The following SCHIP1 variants were observed in gnomAD, a reference collection of about 807,000 sequenced individuals.
SCHIP1 encodes the protein schwannomin interacting protein 1.
In SCHIP1, 8 loss-of-function variants were observed where a neutral mutation model predicts 29.7. The ratio of observed to expected loss-of-function variants is 0.27; its 90% CI spans 0.16 to 0.49. SCHIP1 has a LOEUF of 0.49. Ranked by LOEUF, SCHIP1 falls within the 20% of genes least tolerant of loss-of-function variation. The pLI is 0.99. For synonymous variants in SCHIP1, 76 were observed against 94.9 expected (o/e 0.80, Z 1.16); for missense variants, 193 against 294.6 (o/e 0.66, Z 2.52).
At chr3:159,346,300 C>T in the SCHIP1 span, among the ~76,000 whole-genome samples, 1 of 122,522 alleles carries the variant, frequency 8.2e-6, no homozygotes, top group Middle Eastern at 5.4e-3. Flanking sequence ...AAAAAAAAAG[C>T]AATACAACAT....
chr3:159,360,743 G>A, the SCHIP1 span, among the ~76,000 whole-genome samples: 1 of 152,004 alleles, frequency 6.6e-6, no homozygotes, highest in African/African-American at 2.4e-5. Context: ...TTTAAATTAG[G>A]CCTTTCTTAA....
the SCHIP1 span, among the ~76,000 whole-genome samples, chr3:159,297,500 A>G: frequency 6.6e-6 from 1 of 152,116 alleles, no homozygotes; most frequent in Non-Finnish European, 1.5e-5. Context: ...GCCACAGACA[A>G]TAGAGCTGGG....
At chr3:159,723,200 A>G in the SCHIP1 span, among the ~76,000 whole-genome samples, 2 of 152,224 alleles carry the variant, frequency 1.3e-5, no homozygotes, top group Non-Finnish European at 2.9e-5. Context: ...TGTTTTTCTT[A>G]TCAAAATACT....
chr3:159,652,652 G>A, the SCHIP1 span, among the ~76,000 whole-genome samples: 4 of 152,158 alleles, frequency 2.6e-5, no homozygotes, highest in Non-Finnish European at 5.9e-5. Flanking sequence ...CAGATAAGAT[G>A]GGTGGGGAGG....
At chr3:159,866,655 A>T (rs1176412248) in intron 2 of SCHIP1, among the ~76,000 whole-genome samples, 2 of 150,724 alleles carry the variant, frequency 1.3e-5, no homozygotes, top group Non-Finnish European at 2.9e-5. Flanking sequence ...GATCACCCAG[A>T]ATCACCCCCC....
intron 3 of SCHIP1, 27 bp from the exon 5 acceptor site, chr3:159,887,681 C>T (rs1717100424): frequency 6.2e-7 from 1 of 1,613,170 alleles, no homozygotes; most frequent in African/African-American, 1.3e-5. Flanking sequence ...GCATGGAAGG[C>T]TCAGGCTGCT....
chr3:159,712,611 G>A, the SCHIP1 span, among the ~76,000 whole-genome samples: 1 of 152,062 alleles, frequency 6.6e-6, no homozygotes, highest in South Asian at 2.1e-4. Context: ...AGCTATTTGG[G>A]AGGCTGAGGC....
At chr3:159,765,852 C>A in the SCHIP1 span, 1 of 152,206 alleles carries the variant, frequency 6.6e-6, no homozygotes, top group African/African-American at 2.4e-5. Flanking sequence ...ATAACGGAGC[C>A]ACTTACAGTT....
chr3:159,586,848 G>A, the SCHIP1 span, among the ~76,000 whole-genome samples: 10 of 152,126 alleles, frequency 6.6e-5, no homozygotes, highest in Non-Finnish European at 1.2e-4. Flanking sequence ...AGCAGCTCTT[G>A]TCAAAATAAA....
At chr3:159,824,761 C>T in the SCHIP1 span, among the ~76,000 whole-genome samples, 1 of 152,208 alleles carries the variant, frequency 6.6e-6, no homozygotes, top group Non-Finnish European at 1.5e-5. Flanking sequence ...CACACCACAT[C>T]CACAATTTCT....
the SCHIP1 span, among the ~76,000 whole-genome samples, chr3:159,814,339 C>T: frequency 1.8e-4 from 27 of 152,308 alleles, no homozygotes; most frequent in East Asian, 5.0e-3. Context: ...TGCCTGTATT[C>T]CCTCACAGGT....
At chr3:159,511,098 A>G in the SCHIP1 span, among the ~76,000 whole-genome samples, 11 of 152,116 alleles carry the variant, frequency 7.2e-5, no homozygotes, top group African/African-American at 2.4e-4. Flanking sequence ...GGCCTCCTTG[A>G]GCTGTGGTGG....
At chr3:159,887,649 C>G in intron 3 of SCHIP1, 59 bp from the exon 5 acceptor site, 1 of 1,599,256 alleles carries the variant, frequency 6.3e-7, no homozygotes, top group Non-Finnish European at 8.6e-7. Flanking sequence ...TAGCCCATCT[C>G]TAAGTGGATG....
chr3:159,298,289 T>A, the SCHIP1 span, among the ~76,000 whole-genome samples: 3 of 152,204 alleles, frequency 2.0e-5, no homozygotes, highest in African/African-American at 7.2e-5. Context: ...ACCTTACCAC[T>A]TCCCAAACTA....
At chr3:159,695,143 C>T in the SCHIP1 span, among the ~76,000 whole-genome samples, 1 of 152,300 alleles carries the variant, frequency 6.6e-6, no homozygotes, top group East Asian at 1.9e-4. Context: ...GGGGGCTGTG[C>T]TGTCACTAGA....
At chr3:159,886,393 G>T in intron 3 of SCHIP1, 69 bp downstream of exon 4, 1 of 1,404,708 alleles carries the variant, frequency 7.1e-7, no homozygotes, top group African/African-American at 1.4e-5. Context: ...CTTTTCTGTT[G>T]TAAGGTGAAT....
At position 159,842,739 on chromosome 3, in the gene SCHIP1, A is replaced by G. The variant is rs1265882202; in HGVS notation, c.30+2525A>G. Reference sequence around the variant, plus strand: ...CCACCCCCTCCCCGCCCCACTGTGTAGGGTTGCCAGATTTAGCAAATAACT... The same window carrying G: ...CCACCCCCTCCCCGCCCCACTGTGTGGGGTTGCCAGATTTAGCAAATAACT... On this transcript the variant is annotated intron_variant, in intron 1 of 6. Coordinates refer to ENST00000445224, the Ensembl canonical transcript of SCHIP1. Among the ~76,000 whole-genome samples, 3 of 140,098 alleles carry G rather than the reference A, an allele frequency of 2.1e-5. No individual in the cohort carries two copies. The East Asian group carries it at 6.8e-4, about 32-fold the overall frequency. 91.9% of individuals were successfully genotyped at this position (140,098 alleles called of 152,430 possible). A position where few individuals can be genotyped will look rare whatever the true frequency, so the allele number is the denominator to read the frequency against.
the SCHIP1 span, among the ~76,000 whole-genome samples, chr3:159,398,134 C>A: frequency 6.6e-6 from 1 of 152,154 alleles, no homozygotes. Context: ...AAGGGAACTC[C>A]CTGACCCTTT....
chr3:159,784,377 A>G, the SCHIP1 span, among the ~76,000 whole-genome samples: 1 of 152,200 alleles, frequency 6.6e-6, no homozygotes, highest in Non-Finnish European at 1.5e-5. Context: ...TCCAGCTTTC[A>G]CCTTCTCTGC....
Sources: allele counts gnomAD v4.1 joint callset (sites outside exome capture counted in the v4.1 genomes callset), GRCh38; gene constraint gnomAD v4.1.1; transcripts MANE v1.5; gene names NCBI Gene and HGNC (gene_info 2026-07-23, HGNC 2026-07-21).